Variants in DIXDC1 observed in about 807,000 individuals in gnomAD.
DIXDC1 encodes dixin.
In DIXDC1, 64 loss-of-function variants were observed where a neutral mutation model predicts 103.1. That is an observed-to-expected ratio of 0.62 (90% CI 0.51 to 0.76). The LOEUF (loss-of-function observed/expected upper bound fraction) is 0.76. DIXDC1 is among the 30% of genes least tolerant of loss of function. DIXDC1 has a pLI of 0.00. For synonymous variants in DIXDC1, 266 were observed against 298.5 expected (o/e 0.89, Z 1.12); for missense variants, 759 against 834.2 (o/e 0.91, Z 1.11).
chr11:111,969,157 T>C (rs1293913356), intron 3 of DIXDC1, among the ~76,000 whole-genome samples: 7 of 151,168 alleles, frequency 4.6e-5, no homozygotes, highest in African/African-American at 1.7e-4. Context: ...TGGTTGGGCA[T>C]GGTGGCTCAT....
intron 17 of DIXDC1, among the ~76,000 whole-genome samples, chr11:111,996,786 G>A (rs1389426334): frequency 2.0e-5 from 3 of 152,198 alleles, no homozygotes; most frequent in African/African-American, 7.2e-5. Flanking sequence ...GGAGGTGGAG[G>A]TTGTGGTGAA....
chr11:111,975,796 C>T, intron 5 of DIXDC1: 4 of 985,356 alleles, frequency 4.1e-6, no homozygotes, highest in Non-Finnish European at 4.8e-6. Flanking sequence ...TTTTCTTCCT[C>T]CTATTTTTTT....
rs1001199931 is a variant in DIXDC1, at chr11:111,980,642, A to G, written c.657-95A>G. 3.1e-5 allele frequency: 30 copies of G among 952,472 alleles called. No individual in the cohort carries two copies. The African/African-American group carries it at 3.3e-4, about 10-fold the overall frequency. The allele number at this position is 952,472 out of a possible 1,614,324, so 59.0% of individuals were successfully genotyped here. On this transcript the variant is annotated intron_variant, in intron 5 of 19. Transcript: ENST00000440460. ...TACCCATGGAGGAGTAAGATGAATAAGAACATGTCCCTGTTCTCAGGAATA... is the reference window on the plus strand; with the variant it reads ...TACCCATGGAGGAGTAAGATGAATAGGAACATGTCCCTGTTCTCAGGAATA...
In DIXDC1 at chr11:111,992,395, T is replaced by G; in HGVS notation, c.1114-20T>G. 1 of 1,549,770 alleles carries G rather than the reference T, an allele frequency of 6.5e-7. No individual in the cohort carries two copies. The highest frequency in any genetic ancestry group is 8.7e-7 in the Non-Finnish European group (1 of 1,142,912). On this transcript the variant is annotated intron_variant, in intron 10 of 19. Transcript: ENST00000440460. ...ATTGATGAACTGAGACAACAATAAT[T>G]AGTATGCTTTTTCCCCTAGGATGCC...
intron 3 of DIXDC1, among the ~76,000 whole-genome samples, chr11:111,970,826 C>T (rs1473465986): frequency 6.6e-6 from 1 of 152,086 alleles, no homozygotes; most frequent in Admixed American, 6.6e-5. Flanking sequence ...AGTTCCACAC[C>T]TACAACCATG....
intron 17 of DIXDC1, among the ~76,000 whole-genome samples, chr11:112,008,411 TAACAAGG>T (rs1457970647): frequency 1.3e-5 from 2 of 151,942 alleles, no homozygotes; most frequent in East Asian, 3.9e-4. Context: ...CGAGACAGAT[TAACAAGG>T]ATATCCATGA....
At chr11:111,954,968 CAAGAT>C (rs1391269901) in intron 1 of DIXDC1, among the ~76,000 whole-genome samples, 102 of 151,954 alleles carry the variant, frequency 6.7e-4, no homozygotes, top group Non-Finnish European at 1.0e-4. Flanking sequence ...ATATATATGT[CAAGAT>C]AAGTACATAT....
rs1966614330 is a variant in DIXDC1, at chr11:111,946,839, G to A, written c.60+9280G>A. 3 of 411,804 alleles carry A rather than the reference G, an allele frequency of 7.3e-6. No homozygotes were observed. In the Admixed American group the frequency reaches 7.3e-5, roughly 10 times the overall value. The allele number at this position is 411,804 out of a possible 1,614,324, so 25.5% of individuals were successfully genotyped here. On this transcript the variant is annotated intron_variant, in intron 1 of 19. Transcript: ENST00000440460. Reference sequence around the variant, plus strand: ...CAGGGATTTGGGACAGCCTAATTTTGTTAGAGGCTGTATTGCAGAAAAGCC... The same window carrying A: ...CAGGGATTTGGGACAGCCTAATTTTATTAGAGGCTGTATTGCAGAAAAGCC...
upstream of DIXDC1, among the ~76,000 whole-genome samples, chr11:111,935,637 T>A (rs1966165320): frequency 6.6e-6 from 1 of 152,226 alleles, no homozygotes. Context: ...TGCTTCTCTT[T>A]ATAAAGGAAC....
intron 17 of DIXDC1, among the ~76,000 whole-genome samples, chr11:112,009,344 C>T (rs1436577306): frequency 6.7e-6 from 1 of 149,928 alleles, no homozygotes; most frequent in Admixed American, 6.6e-5. Context: ...AAGTCCAGGA[C>T]CAGATGGATT....
chr11:111,932,704 C>A (rs1387216096), upstream of DIXDC1, among the ~76,000 whole-genome samples: 1 of 152,152 alleles, frequency 6.6e-6, no homozygotes, highest in Non-Finnish European at 1.5e-5. Flanking sequence ...TCTAGTCTTT[C>A]ACCATTCTGT....
chr11:111,975,149 G>A, intron 5 of DIXDC1, 166 bp downstream of exon 5: 1 of 1,429,040 alleles, frequency 7.0e-7, no homozygotes, highest in South Asian at 1.4e-5. Flanking sequence ...TGTGCTAGTA[G>A]GAGGGTAGGA....
intron 5 of DIXDC1, 107 bp downstream of exon 5, chr11:111,975,090 G>A: frequency 1.3e-6 from 2 of 1,521,632 alleles, no homozygotes; most frequent in Non-Finnish European, 1.8e-6. Context: ...TCTCCCCTCA[G>A]TTTATGTTTG....
intron 17 of DIXDC1, among the ~76,000 whole-genome samples, chr11:112,014,958 C>G (rs771779551): frequency 7.3e-5 from 11 of 151,626 alleles, no homozygotes; most frequent in Non-Finnish European, 1.5e-4. Context: ...GATCTCGGCT[C>G]ACTGCAACCT....
chr11:111,972,331 T>C (rs1216277459), intron 3 of DIXDC1, among the ~76,000 whole-genome samples: 1 of 152,214 alleles, frequency 6.6e-6, no homozygotes, highest in Non-Finnish European at 1.5e-5. Flanking sequence ...CTGGTTCCCA[T>C]GTGGAGTGGG....
At chr11:111,982,872 G>A (rs1463658648) in intron 7 of DIXDC1, among the ~76,000 whole-genome samples, 5 of 152,232 alleles carry the variant, frequency 3.3e-5, no homozygotes, top group Non-Finnish European at 7.3e-5. Flanking sequence ...TTCTCTAGCA[G>A]GAAGAGTGTA....
At chr11:111,984,225 A>G (rs1555173591) in intron 7 of DIXDC1, among the ~76,000 whole-genome samples, 1 of 152,142 alleles carries the variant, frequency 6.6e-6, no homozygotes, top group East Asian at 1.9e-4. Flanking sequence ...CTTCTTAAAG[A>G]ATAAGATTAC....
chr11:111,960,247 A>C (rs1859526032), intron 1 of DIXDC1, among the ~76,000 whole-genome samples: 1 of 151,782 alleles, frequency 6.6e-6, no homozygotes, highest in Non-Finnish European at 1.5e-5. Flanking sequence ...GTATGTCTTC[A>C]TTACGTCTAG....
At chr11:111,929,666 TC>T (rs1461673375) in intron 1 of DIXDC1, among the ~76,000 whole-genome samples, 5 of 152,080 alleles carry the variant, frequency 3.3e-5, no homozygotes, top group Middle Eastern at 3.2e-3. Flanking sequence ...CAGCTGGACT[TC>T]CTGCTAACTA....
Sources: gnomAD v4.1 joint callset for allele counts (sites outside exome capture counted in the v4.1 genomes callset) on GRCh38, gnomAD v4.1.1 for gene constraint, MANE v1.5 for transcripts, NCBI Gene and HGNC (gene_info 2026-07-23, HGNC 2026-07-21) for gene names.